SCP2: variants seen among roughly 807,000 people sequenced by gnomAD.
SCP2 encodes sterol carrier protein 2.
A neutral mutation model predicts 71.4 loss-of-function variants in SCP2; 48 were observed. The ratio of observed to expected loss-of-function variants is 0.67; its 90% CI spans 0.53 to 0.86. The LOEUF is 0.86. SCP2 is among the 40% of genes least tolerant of loss of function. SCP2 has a pLI of 0.00. For missense variants in SCP2, 560 were observed against 655.6 expected, an observed-to-expected ratio of 0.85 and a Z score of 1.59; for synonymous variants, 220 against 218.1, an observed-to-expected ratio of 1.01 and a Z score of -0.08.
At chr1:53,035,513 T>C (rs993332080) in intron 13 of SCP2, among the ~76,000 whole-genome samples, 1 of 152,160 alleles carries the variant, frequency 6.6e-6, no homozygotes, top group Non-Finnish European at 1.5e-5. Flanking sequence ...GATCTATATA[T>C]TTTATGTAAC....
At chr1:53,019,339 ATATATT>A (rs1557612835) in intron 12 of SCP2, among the ~76,000 whole-genome samples, 1 of 152,156 alleles carries the variant, frequency 6.6e-6, no homozygotes, top group African/African-American at 2.4e-5. Context: ...AAATTTATTC[ATATATT>A]TATATATGTA....
chr1:53,037,950 T>TACACACACACACAC (rs67763248), intron 13 of SCP2, among the ~76,000 whole-genome samples: 1 of 120,360 alleles, frequency 8.3e-6, no homozygotes, highest in African/African-American at 3.3e-5. Flanking sequence ...CCTGTCTCTA[T>TACACACACACACAC]ACACACACAC....
At chr1:53,041,380 C>T (rs917816018) in intron 14 of SCP2, among the ~76,000 whole-genome samples, 6 of 147,936 alleles carry the variant, frequency 4.1e-5, no homozygotes, top group Admixed American at 1.4e-4. Context: ...CCAGCCTGGG[C>T]GGCAGAGCAA....
At chr1:53,040,229 A>G (rs1557630187) in intron 14 of SCP2, among the ~76,000 whole-genome samples, 1 of 151,586 alleles carries the variant, frequency 6.6e-6, no homozygotes, top group African/African-American at 2.4e-5. Context: ...TCTGCTCAAA[A>G]GCATCCAATA....
At chr1:52,934,007 C>A (rs2150098072) in intron 1 of SCP2, among the ~76,000 whole-genome samples, 1 of 152,286 alleles carries the variant, frequency 6.6e-6, no homozygotes, top group Non-Finnish European at 1.5e-5. Context: ...CACTTAAGAC[C>A]TCGATGAAGC....
At chr1:52,978,438 G>T in intron 9 of SCP2, 71 bp downstream of exon 9, 1 of 1,221,830 alleles carries the variant, frequency 8.2e-7, no homozygotes. Flanking sequence ...ATGGAGCCAT[G>T]CATTATTATA....
intron 11 of SCP2, chr1:52,993,820 G>A (rs1659725990): frequency 6.6e-7 from 1 of 1,522,682 alleles, no homozygotes; most frequent in African/African-American, 1.4e-5. Flanking sequence ...CCTGAATTTG[G>A]TATCTGTCAT....
In SCP2 at chr1:52,993,538, C is replaced by A. The variant is rs1388994920; in HGVS notation, c.1081+5402C>A. 2.5e-6 allele frequency: 4 copies of A among 1,612,152 alleles called. No individual in the cohort carries two copies. The East Asian group carries it at 8.9e-5, about 36-fold the overall frequency. On this transcript the variant is annotated intron_variant, in intron 11 of 15. Transcript: ENST00000371514. ...TGCCTCTATCTGTGACTGAAAAGAC[C>A]AACAGGAAGCCCTCGCCAGTCCTCA...
chr1:52,962,267 C>T (rs1017794154), intron 6 of SCP2, among the ~76,000 whole-genome samples: 3 of 152,138 alleles, frequency 2.0e-5, no homozygotes, highest in Non-Finnish European at 4.4e-5. Context: ...GCTATTCATA[C>T]TCTACATTCA....
Position 52,980,547 on chromosome 1 carries a change from A to C in SCP2, c.973+4A>C, listed in dbSNP as rs1179544149. ...GCACTGGGACTCTGTCCAGAAGGTA[A>C]CATCTTTGAATAGGGCAGATTAATT... On this transcript the variant is annotated splice_donor_region_variant and intron_variant, in intron 10 of 15. Coordinates refer to ENST00000371514, the MANE Select transcript of SCP2 (RefSeq NM_002979.5). The C allele has an allele frequency of 6.2e-7, 1 of 1,612,804 alleles. No individual in the cohort carries two copies. The highest frequency in any genetic ancestry group is 8.5e-7 in the Non-Finnish European group (1 of 1,178,802).
intron 3 of SCP2, among the ~76,000 whole-genome samples, chr1:52,950,195 C>T (rs2150124981): frequency 6.6e-6 from 1 of 152,230 alleles, no homozygotes; most frequent in South Asian, 2.1e-4. Context: ...GATCTAGGCT[C>T]ACTGCAACCT....
chr1:53,009,647 A>C (rs1660860051), intron 11 of SCP2, among the ~76,000 whole-genome samples: 1 of 152,184 alleles, frequency 6.6e-6, no homozygotes, highest in Non-Finnish European at 1.5e-5. Context: ...TAAAGACTTA[A>C]ATGTTAGACC....
intron 1 of SCP2, among the ~76,000 whole-genome samples, chr1:52,931,396 G>A (rs1177090953): frequency 2.0e-5 from 3 of 152,186 alleles, no homozygotes; most frequent in Non-Finnish European, 2.9e-5. Context: ...TTACCACCAG[G>A]TGACTTTACC....
At chr1:53,005,756 A>T (rs1476650278) in intron 11 of SCP2, among the ~76,000 whole-genome samples, 1 of 152,226 alleles carries the variant, frequency 6.6e-6, no homozygotes, top group Non-Finnish European at 1.5e-5. Flanking sequence ...GCAATGGAAC[A>T]AATTTGGACG....
At chr1:52,960,605 T>C (rs1656308671) in intron 5 of SCP2, among the ~76,000 whole-genome samples, 1 of 145,870 alleles carries the variant, frequency 6.9e-6, no homozygotes, top group Admixed American at 6.8e-5. Flanking sequence ...TATATATGTA[T>C]GTATATATGT....
In SCP2 at chr1:53,026,206, A is replaced by G. The variant is rs11808021; in HGVS notation, c.1236-1763A>G. Among the ~76,000 whole-genome samples, 529 of 152,334 alleles carry G rather than the reference A, an allele frequency of 3.5e-3. 3 individuals carry two copies. The highest frequency in any genetic ancestry group is 0.012 in the African/African-American group (502 of 41,570). On this transcript the variant is annotated intron_variant, in intron 12 of 15. Transcript: ENST00000371514. ...TCATGTAATTTGTGAAAATCAAATC[A>G]GTATACTTGGGATATCCATCACCTT...
At chr1:52,980,291 G>A (rs950022849) in intron 9 of SCP2, 105 bp from the exon 10 acceptor site, 1 of 1,075,470 alleles carries the variant, frequency 9.3e-7, no homozygotes, top group African/African-American at 1.6e-5. Flanking sequence ...TAATATATGT[G>A]GTCAATTATC....
At chr1:52,988,438 T>C (rs1659183619) in intron 11 of SCP2, among the ~76,000 whole-genome samples, 1 of 152,212 alleles carries the variant, frequency 6.6e-6, no homozygotes, top group Admixed American at 6.5e-5. Context: ...TGTAGTTGTA[T>C]ACATGGTTGA....
intron 11 of SCP2, chr1:52,995,641 G>A (rs534660374): frequency 7.3e-5 from 47 of 642,662 alleles, no homozygotes; most frequent in East Asian, 3.2e-4. Context: ...ATATCTCACC[G>A]TGGCTGCTGT....
Sources: allele counts gnomAD v4.1 joint callset (sites outside exome capture counted in the v4.1 genomes callset), GRCh38; gene constraint gnomAD v4.1.1; transcripts MANE v1.5; gene names NCBI Gene and HGNC (gene_info 2026-07-23, HGNC 2026-07-21).